Variants in UIMC1 observed in about 807,000 individuals in gnomAD.
The protein encoded by UIMC1 is ubiquitin interaction motif containing 1, also known as BRCA1-A complex subunit RAP80.
Under a neutral mutation model 84.9 loss-of-function variants are expected in UIMC1, and 42 were observed. That is an observed-to-expected ratio of 0.49 (90% CI 0.39 to 0.64). The LOEUF (loss-of-function observed/expected upper bound fraction) is 0.64, where lower values mean the gene tolerates loss of function less well. UIMC1 is among the 30% of genes least tolerant of loss of function. The pLI, the probability that UIMC1 is intolerant of heterozygous loss-of-function variation, is 0.00. For missense variants in UIMC1, 825 were observed against 847.6 expected (o/e 0.97, Z 0.33); for synonymous variants, 281 against 293.0 (o/e 0.96, Z 0.42).
chr5:176,987,649 T>G (rs747709770), intron 1 of UIMC1, among the ~76,000 whole-genome samples: 10 of 150,098 alleles, frequency 6.7e-5, no homozygotes, highest in South Asian at 2.1e-4. Flanking sequence ...GGACCCTGTC[T>G]CAAAAAAATA....
chr5:176,925,671 TA>T (rs1339300121), intron 10 of UIMC1, among the ~76,000 whole-genome samples: 6 of 152,118 alleles, frequency 3.9e-5, no homozygotes, highest in African/African-American at 1.4e-4. Context: ...AAAGATTACA[TA>T]AAAGTATACT....
chr5:177,005,942 G>A (rs2149549384), intron 1 of UIMC1, among the ~76,000 whole-genome samples: 1 of 152,334 alleles, frequency 6.6e-6, no homozygotes, highest in Middle Eastern at 3.4e-3. Context: ...TAAGCACCTG[G>A]AAACGCGCCG....
rs538794246 is a variant in UIMC1, at chr5:176,958,728, T to C, written c.1201-574A>G. Among the ~76,000 whole-genome samples the C allele has an allele frequency of 5.2e-5, 8 of 152,390 alleles. No individual in the cohort carries two copies. The South Asian group carries it at 1.4e-3, about 28-fold the overall frequency. On this transcript the variant is annotated intron_variant, in intron 6 of 14. Transcript: ENST00000511320. ...TACAAATCTGCCACTATGGTTTTTATATCTGGCTACAGGATTATCTTTTCA... is the reference window on the plus strand; with the variant it reads ...TACAAATCTGCCACTATGGTTTTTACATCTGGCTACAGGATTATCTTTTCA...
intron 6 of UIMC1, among the ~76,000 whole-genome samples, chr5:176,967,900 CT>C (rs199515378): frequency 0.019 from 2,215 of 119,042 alleles, 60 homozygotes; most frequent in African/African-American, 0.079. Context: ...GAGACCTTGT[CT>C]TTAAAAAAAA....
chr5:177,022,349 C>G (rs984595112), intron 1 of UIMC1: 8 of 196,658 alleles, frequency 4.1e-5, no homozygotes, highest in African/African-American at 1.6e-4. Flanking sequence ...TAGTAGCGAG[C>G]TCTTGAGTTA....
intron 3 of UIMC1, 79 bp from the exon 4 acceptor site, chr5:176,970,945 A>G: frequency 6.6e-7 from 1 of 1,522,922 alleles, no homozygotes; most frequent in South Asian, 1.2e-5. Context: ...AGAATTATTA[A>G]ACTTTTCAAC....
intron 1 of UIMC1, among the ~76,000 whole-genome samples, chr5:176,990,168 G>A (rs567791213): frequency 2.5e-4 from 37 of 150,944 alleles, no homozygotes; most frequent in Admixed American, 1.5e-3. Context: ...GCAACAGAGC[G>A]AGACTCTGTT....
chr5:176,906,929 G>A (rs1561700584), intron 13 of UIMC1, among the ~76,000 whole-genome samples, 185 bp downstream of exon 13: 1 of 152,226 alleles, frequency 6.6e-6, no homozygotes. Context: ...AACACAGGAT[G>A]AAAAAGACAG....
At chr5:176,984,718 C>T (rs1771695638) in intron 1 of UIMC1, among the ~76,000 whole-genome samples, 1 of 152,066 alleles carries the variant, frequency 6.6e-6, no homozygotes, top group African/African-American at 2.4e-5. Flanking sequence ...AAGAAGTAGA[C>T]ATAGGAGACT....
intron 7 of UIMC1, among the ~76,000 whole-genome samples, chr5:176,957,665 A>C (rs1370484691): frequency 6.6e-6 from 1 of 152,196 alleles, no homozygotes; most frequent in African/African-American, 2.4e-5. Flanking sequence ...AAGATGTATA[A>C]GGTTTAGATA....
intron 1 of UIMC1, among the ~76,000 whole-genome samples, chr5:176,997,985 T>C (rs1044104122): frequency 5.3e-5 from 8 of 152,270 alleles, no homozygotes; most frequent in Admixed American, 2.0e-4. Flanking sequence ...GCTCCCCAGA[T>C]TGGTCAAATA....
chr5:176,969,493 T>G (rs910179400), intron 5 of UIMC1, 108 bp downstream of exon 5: 7 of 1,310,066 alleles, frequency 5.3e-6, no homozygotes, highest in Non-Finnish European at 7.4e-6. Context: ...AACTTCTTTA[T>G]TATCACCAAA....
intron 10 of UIMC1, among the ~76,000 whole-genome samples, chr5:176,938,976 G>A (rs900311323): frequency 1.3e-5 from 2 of 151,788 alleles, no homozygotes; most frequent in African/African-American, 4.8e-5. Flanking sequence ...TGCAATGCCA[G>A]GCAAGGTGGC....
intron 10 of UIMC1, among the ~76,000 whole-genome samples, chr5:176,941,571 CTTAATTT>C (rs1764442309): frequency 6.6e-6 from 1 of 152,070 alleles, no homozygotes; most frequent in East Asian, 1.9e-4. Context: ...CTCTGGCAAT[CTTAATTT>C]AAAAAACACT....
chr5:176,935,655 G>A (rs2149431189), intron 10 of UIMC1, among the ~76,000 whole-genome samples: 1 of 152,270 alleles, frequency 6.6e-6, no homozygotes, highest in East Asian at 1.9e-4. Context: ...ATATAAGTGA[G>A]AAGACTGGAC....
At chr5:176,946,894 G>C (rs1267602169) in intron 9 of UIMC1, among the ~76,000 whole-genome samples, 1 of 152,096 alleles carries the variant, frequency 6.6e-6, no homozygotes. Flanking sequence ...GGGGTAAAGG[G>C]GATCAATATA....
intron 10 of UIMC1, among the ~76,000 whole-genome samples, chr5:176,919,673 T>C (rs1164884199): frequency 1.3e-5 from 2 of 152,234 alleles, no homozygotes; most frequent in African/African-American, 4.8e-5. Context: ...ATACGTAGTA[T>C]AAACAAGTGG....
In UIMC1 at chr5:176,906,027, C is replaced by T; in HGVS notation, c.1933G>A (p.Glu645Lys). 6.2e-7 allele frequency: 1 copy of T among 1,614,034 alleles called. No homozygotes were observed. The highest frequency in any genetic ancestry group is 8.5e-7 in the Non-Finnish European group (1 of 1,179,958). ...CCAATTCACCTGAAGGCTCCTGTTTCTGAAGACTTGATGTCTGCATCTGTG... is the reference window on the plus strand; with the variant it reads ...CCAATTCACCTGAAGGCTCCTGTTTTTGAAGACTTGATGTCTGCATCTGTG... ...KTSDADIKSS[E>K]TGAFRVPSPG... Residue 645 changes from glutamate to lysine, a missense_variant, in exon 14 of 15, where the codon GAA (glutamate) becomes AAA (lysine). By Grantham distance (56) the Glu-to-Lys change is moderately conservative (BLOSUM62 1). Transcript: ENST00000511320.
In UIMC1 at chr5:176,905,819, A is replaced by G. The variant is rs562958442; in HGVS notation, c.1949+192T>C. Reference sequence around the variant, plus strand: ...ACTTTCACTCTGTTTGTTTTAACACAATGAATGAATTGAGTTATCCAATCT... The same window carrying G: ...ACTTTCACTCTGTTTGTTTTAACACGATGAATGAATTGAGTTATCCAATCT... On this transcript the variant is annotated intron_variant, in intron 14 of 14. Transcript: ENST00000511320. The G allele has an allele frequency of 2.1e-4, 137 of 653,218 alleles. No individual in the cohort carries two copies. In the South Asian group the frequency reaches 2.6e-3, roughly 12 times the overall value. 40.5% of individuals were successfully genotyped at this position (653,218 alleles called of 1,614,324 possible).
Sources: gnomAD v4.1 joint callset for allele counts (sites outside exome capture counted in the v4.1 genomes callset) on GRCh38, gnomAD v4.1.1 for gene constraint, MANE v1.5 for transcripts, NCBI Gene and HGNC (gene_info 2026-07-23, HGNC 2026-07-21) for gene names.